CAP2: variants seen among roughly 807,000 people sequenced by gnomAD.
CAP2 encodes cyclase associated actin cytoskeleton regulatory protein 2.
A neutral mutation model predicts 57.7 loss-of-function variants in CAP2; 24 were observed. The observed-to-expected ratio is 0.42, with a 90% confidence interval of 0.30 to 0.58. The LOEUF is 0.58. Ranked by LOEUF, CAP2 falls within the 20% of genes least tolerant of loss-of-function variation. CAP2 has a pLI of 0.22. For synonymous variants in CAP2, 194 were observed against 207.2 expected (o/e 0.94, Z 0.55); for missense variants, 501 against 590.3 (o/e 0.85, Z 1.57).
chr6:17,424,395 C>A (rs1253007431), intron 2 of CAP2, among the ~76,000 whole-genome samples: 1 of 152,054 alleles, frequency 6.6e-6, no homozygotes, highest in East Asian at 1.9e-4. Flanking sequence ...GAGCAAGACT[C>A]CGTCTCAAAA....
intron 6 of CAP2, among the ~76,000 whole-genome samples, chr6:17,508,384 C>T (rs1198812414): frequency 3.9e-5 from 6 of 152,132 alleles, no homozygotes; most frequent in Non-Finnish European, 7.3e-5. Flanking sequence ...TAGGCCCAAA[C>T]GGAGACATGG....
At chr6:17,515,911 C>G (rs1762266139) in intron 7 of CAP2, among the ~76,000 whole-genome samples, 1 of 152,172 alleles carries the variant, frequency 6.6e-6, no homozygotes, top group African/African-American at 2.4e-5. Context: ...TTCCAGCAAC[C>G]CCTCACTCCT....
intron 4 of CAP2, among the ~76,000 whole-genome samples, chr6:17,504,050 A>G (rs1209368758): frequency 6.6e-6 from 1 of 152,180 alleles, no homozygotes; most frequent in East Asian, 1.9e-4. Flanking sequence ...GTTTCCCCCA[A>G]ACAGAAGTGT....
intron 4 of CAP2, among the ~76,000 whole-genome samples, chr6:17,506,412 G>A (rs987319517): frequency 2.6e-5 from 4 of 152,092 alleles, no homozygotes; most frequent in African/African-American, 7.2e-5. Flanking sequence ...CAGTACTTTG[G>A]GAGGCCGAGG....
In CAP2 at chr6:17,421,593, G is replaced by T. The variant is rs201044058; in HGVS notation, c.38G>T (p.Arg13Leu). The T allele has an allele frequency of 2.5e-6, 4 of 1,613,954 alleles. No individual in the cohort carries two copies. In the South Asian group the frequency reaches 3.3e-5, roughly 13 times the overall value. ...CAGGGACTGGTGGAAAGACTGGAAC[G>T]AGCTGTCAGCCGCCTGGAGTCGCTG... is the stretch of plus-strand genomic sequence containing the variant. ...NMQGLVERLE[R>L]AVSRLESLSA... is the part of the protein sequence containing the mutation. Residue 13 changes from arginine to leucine, a missense_variant, in exon 2 of 13, where the codon CGA (arginine) becomes CTA (leucine). By Grantham distance (102) the Arg-to-Leu change is moderately radical (BLOSUM62 -2). Coordinates refer to ENST00000229922, the MANE Select transcript of CAP2 (RefSeq NM_006366.3).
chr6:17,454,735 G>C (rs776855663), intron 3 of CAP2, among the ~76,000 whole-genome samples: 2 of 152,166 alleles, frequency 1.3e-5, no homozygotes, highest in African/African-American at 4.8e-5. Context: ...TTGGCTTGAC[G>C]CAATTATATC....
chr6:17,466,092 T>G (rs931075012), intron 4 of CAP2, among the ~76,000 whole-genome samples: 1 of 152,176 alleles, frequency 6.6e-6, no homozygotes, highest in Admixed American at 6.5e-5. Context: ...GTGAAAACAG[T>G]CTATGGCCAG....
chr6:17,537,839 G>A (rs1762808820), intron 7 of CAP2, among the ~76,000 whole-genome samples: 1 of 152,124 alleles, frequency 6.6e-6, no homozygotes. Context: ...GCTGAGGCGG[G>A]TGGATAATCT....
intron 6 of CAP2, 50 bp downstream of exon 6, chr6:17,507,776 C>T (rs199864799): frequency 4.1e-5 from 41 of 1,005,324 alleles, no homozygotes; most frequent in Non-Finnish European, 5.6e-5. Context: ...ACTTGTTAGA[C>T]ATTTGTCCCT....
At chr6:17,537,506 T>C (rs1762801743) in intron 7 of CAP2, among the ~76,000 whole-genome samples, 1 of 152,166 alleles carries the variant, frequency 6.6e-6, no homozygotes, top group African/African-American at 2.4e-5. Context: ...CAGCATGTTT[T>C]GTTTTGTTTT....
At chr6:17,488,661 A>G (rs1343636114) in intron 4 of CAP2, among the ~76,000 whole-genome samples, 1 of 152,122 alleles carries the variant, frequency 6.6e-6, no homozygotes, top group Non-Finnish European at 1.5e-5. Flanking sequence ...GGATAATAAT[A>G]CTGAATTACA....
chr6:17,394,879 G>A (rs1758630613), intron 1 of CAP2, among the ~76,000 whole-genome samples: 2 of 152,172 alleles, frequency 1.3e-5, no homozygotes, highest in South Asian at 4.1e-4. Flanking sequence ...ACAGTATTTG[G>A]CTCACAGCAT....
At chr6:17,492,269 T>C (rs932306787) in intron 4 of CAP2, among the ~76,000 whole-genome samples, 2 of 152,144 alleles carry the variant, frequency 1.3e-5, no homozygotes, top group African/African-American at 2.4e-5. Flanking sequence ...TGTATTTTGA[T>C]TTTAACTTTG....
At chr6:17,488,237 TTTG>T (rs1200128482) in intron 4 of CAP2, among the ~76,000 whole-genome samples, 1 of 152,050 alleles carries the variant, frequency 6.6e-6, no homozygotes, top group Non-Finnish European at 1.5e-5. Context: ...TTCAGGAAAA[TTTG>T]TTGTTTCCTG....
chr6:17,528,213 G>T (rs78667697), intron 7 of CAP2, among the ~76,000 whole-genome samples: 7,258 of 152,248 alleles, frequency 0.048, 589 homozygotes, highest in African/African-American at 0.16. Flanking sequence ...AAGCCACGAG[G>T]TTCAATAGAT....
At chr6:17,503,398 G>A (rs978571746) in intron 4 of CAP2, among the ~76,000 whole-genome samples, 4 of 152,060 alleles carry the variant, frequency 2.6e-5, no homozygotes, top group Admixed American at 2.0e-4. Flanking sequence ...CACAGGTTGA[G>A]ACCAGCCTGG....
At chr6:17,526,110 G>A (rs9396780) in intron 7 of CAP2, among the ~76,000 whole-genome samples, 109,507 of 151,506 alleles carry the variant, frequency 0.72, 39,672 homozygotes, top group East Asian at 0.73. Context: ...AAAGCTGCAT[G>A]AAAATGTGTC....
intron 3 of CAP2, among the ~76,000 whole-genome samples, chr6:17,461,239 A>T (rs558002472): frequency 0.038 from 5,606 of 149,354 alleles, 370 homozygotes; most frequent in African/African-American, 0.13. Context: ...TCTTTTTTTG[A>T]GACGTAGTCT....
At chr6:17,537,169 T>C (rs1485662586) in intron 7 of CAP2, among the ~76,000 whole-genome samples, 4 of 152,136 alleles carry the variant, frequency 2.6e-5, no homozygotes, top group Non-Finnish European at 5.9e-5. Context: ...GCTTTGAAAA[T>C]AGCGTGTTGT....
Sources: gnomAD v4.1 joint callset for allele counts (sites outside exome capture counted in the v4.1 genomes callset) on GRCh38, gnomAD v4.1.1 for gene constraint, MANE v1.5 for transcripts, NCBI Gene and HGNC (gene_info 2026-07-23, HGNC 2026-07-21) for gene names.